Variants in VAV3 observed in about 807,000 individuals in gnomAD.
VAV3 encodes guanine nucleotide exchange factor VAV3.
In VAV3, 94 loss-of-function variants were observed where a neutral mutation model predicts 131.2. The ratio of observed to expected loss-of-function variants is 0.72; its 90% confidence interval spans 0.61 to 0.85. The LOEUF (loss-of-function observed/expected upper bound fraction) is 0.85. Ranked by LOEUF, VAV3 falls within the 40% of genes least tolerant of loss-of-function variation. The probability of loss-of-function intolerance (pLI) is 0.00; values close to 1 mark genes in which losing one functional copy is unlikely to be tolerated. For missense variants in VAV3, 939 were observed against 1,002.7 expected (o/e 0.94, Z 0.86); for synonymous variants, 349 against 342.0 (o/e 1.02, Z -0.22).
At chr1:107,648,451 C>T (rs939055786) in intron 19 of VAV3, among the ~76,000 whole-genome samples, 2 of 151,940 alleles carry the variant, frequency 1.3e-5, no homozygotes, top group East Asian at 3.9e-4. Flanking sequence ...ACATTCTGTT[C>T]TGTTATACAT....
intron 19 of VAV3, 143 bp downstream of exon 19, chr1:107,683,345 C>A (rs1658780385): frequency 3.6e-6 from 3 of 826,026 alleles, no homozygotes; most frequent in African/African-American, 1.7e-5. Context: ...CACGTTAGAC[C>A]ATGACCTCCT....
At chr1:107,886,047 G>A (rs553237003) in intron 1 of VAV3, among the ~76,000 whole-genome samples, 2 of 152,322 alleles carry the variant, frequency 1.3e-5, no homozygotes, top group East Asian at 3.9e-4. Context: ...ACAGTATGGT[G>A]AGAAGCAAGG....
At chr1:107,878,714 T>A (rs1237599911) in intron 1 of VAV3, among the ~76,000 whole-genome samples, 1 of 152,166 alleles carries the variant, frequency 6.6e-6, no homozygotes, top group Non-Finnish European at 1.5e-5. Context: ...CTAAACTCAA[T>A]CATTTAGTTA....
intron 1 of VAV3, among the ~76,000 whole-genome samples, chr1:107,892,638 CCTCT>C (rs1174131290): frequency 1.3e-5 from 2 of 151,296 alleles, no homozygotes; most frequent in South Asian, 2.1e-4. Flanking sequence ...GATGTGGACT[CCTCT>C]CTATCTATAT....
intron 2 of VAV3, among the ~76,000 whole-genome samples, chr1:107,815,062 A>C (rs1188398218): frequency 6.6e-6 from 1 of 152,226 alleles, no homozygotes; most frequent in Admixed American, 6.5e-5. Context: ...TTTTAAAATG[A>C]GAAAACTCAT....
At chr1:107,584,281 A>G (rs368131234) in intron 25 of VAV3, among the ~76,000 whole-genome samples, 4 of 152,302 alleles carry the variant, frequency 2.6e-5, no homozygotes, top group Non-Finnish European at 5.9e-5. Context: ...AGACTTAAAC[A>G]TTAGACCTAA....
At chr1:107,644,916 A>G (rs965339786) in intron 19 of VAV3, among the ~76,000 whole-genome samples, 1 of 151,492 alleles carries the variant, frequency 6.6e-6, no homozygotes, top group Non-Finnish European at 1.5e-5. Context: ...ACTAGTGTAT[A>G]CACTAGTATG....
chr1:107,749,081 T>C lies in VAV3; in HGVS notation c.1393-4A>G. 3.2e-6 allele frequency: 5 copies of C among 1,552,704 alleles called. No homozygotes were observed. The highest frequency in any genetic ancestry group is 4.4e-6 in the Non-Finnish European group (5 of 1,133,846). ...TGAGGTAGAAGCCATAAGACCACTG[T>C]TAAAATTAATATTCCTTAGATTAAT... On this transcript the variant is annotated splice_region_variant and splice_polypyrimidine_tract_variant and intron_variant, in intron 14 of 26. Coordinates refer to ENST00000370056, the MANE Select transcript of VAV3 (RefSeq NM_006113.5).
At chr1:107,766,700 G>A (rs997261578) in intron 7 of VAV3, 150 bp from the exon 8 acceptor site, 1 of 645,460 alleles carries the variant, frequency 1.5e-6, no homozygotes, top group African/African-American at 1.9e-5. Context: ...TAAAGAGAGA[G>A]GGAAAAGGAG....
intron 1 of VAV3, among the ~76,000 whole-genome samples, chr1:107,940,275 G>A (rs541661316): frequency 6.6e-6 from 1 of 152,238 alleles, no homozygotes; most frequent in South Asian, 2.1e-4. Context: ...CTTTTAAAGA[G>A]ACCAAAGAAT....
intron 19 of VAV3, among the ~76,000 whole-genome samples, chr1:107,663,590 T>C (rs1438971234): frequency 2.0e-5 from 3 of 152,172 alleles, no homozygotes; most frequent in Admixed American, 6.5e-5. Context: ...TGATTCAAGA[T>C]AATTGCCTAT....
intron 19 of VAV3, among the ~76,000 whole-genome samples, 176 bp downstream of exon 19, chr1:107,683,312 T>C (rs1466505140): frequency 5.9e-5 from 9 of 152,180 alleles, no homozygotes; most frequent in African/African-American, 2.2e-4. Flanking sequence ...TAGTTGCTGG[T>C]AGTTACTCAT....
chr1:107,805,611 A>T (rs532204153), intron 2 of VAV3, among the ~76,000 whole-genome samples: 1 of 152,190 alleles, frequency 6.6e-6, no homozygotes, highest in African/African-American at 2.4e-5. Context: ...TGCTATTTTG[A>T]ATTCTTGTTC....
chr1:107,656,315 A>G (rs143485651), intron 19 of VAV3, among the ~76,000 whole-genome samples: 20 of 152,334 alleles, frequency 1.3e-4, no homozygotes, highest in African/African-American at 4.8e-4. Context: ...ATTTGCAGCA[A>G]TATGAGTGGA....
chr1:107,583,397 A>G (rs1650228082), intron 25 of VAV3, among the ~76,000 whole-genome samples: 1 of 152,176 alleles, frequency 6.6e-6, no homozygotes, highest in South Asian at 2.1e-4. Flanking sequence ...TAGTGTTGGA[A>G]GTTCTGGCCA....
chr1:107,935,955 C>G lies in VAV3; in HGVS notation c.204+28711G>C, dbSNP rs975315750. 3.9e-5 allele frequency among the ~76,000 whole-genome samples: 6 copies of G among 152,300 alleles called. No homozygotes were observed. In the South Asian group the frequency reaches 1.2e-3, roughly 32 times the overall value. On this transcript the variant is annotated intron_variant, in intron 1 of 26. Coordinates refer to ENST00000370056, the MANE Select transcript of VAV3 (RefSeq NM_006113.5). ...CATCAAAGAGGTGAAAATACCCCAT[C>G]AGTTGAAGAATTTTGCTTTTCAGTG...
intron 25 of VAV3, 143 bp downstream of exon 25, chr1:107,596,069 G>T: frequency 9.2e-7 from 1 of 1,082,562 alleles, no homozygotes; most frequent in Non-Finnish European, 1.3e-6. Context: ...ATCTGACTCT[G>T]CTTAACTCCA....
In VAV3 at chr1:107,805,581, T is replaced by G. The variant is rs144942084; in HGVS notation, c.322-26089A>C. Among the ~76,000 whole-genome samples, 669 of 152,340 alleles carry G rather than the reference T, an allele frequency of 4.4e-3. 4 individuals carry two copies. Among genetic ancestry groups the G allele is most frequent in the African/African-American group, 0.015 (630 of 41,588 alleles). ...TTGCTTTTCTGTGTTATCTTGGAGA[T>G]GACTGAGTTTCCTTAAAATTGCTAT... On this transcript the variant is annotated intron_variant, in intron 2 of 26. Coordinates refer to ENST00000370056, the MANE Select transcript of VAV3 (RefSeq NM_006113.5).
At chr1:107,817,862 G>A (rs989704708) in intron 2 of VAV3, among the ~76,000 whole-genome samples, 6 of 152,074 alleles carry the variant, frequency 3.9e-5, no homozygotes, top group African/African-American at 7.2e-5. Flanking sequence ...TTTTCAGAGC[G>A]GAAAAAAATG....
Sources: gnomAD v4.1 joint callset for allele counts (sites outside exome capture counted in the v4.1 genomes callset) on GRCh38, gnomAD v4.1.1 for gene constraint, MANE v1.5 for transcripts, NCBI Gene and HGNC (gene_info 2026-07-23, HGNC 2026-07-21) for gene names.